The following SYNE2 variants were observed in gnomAD, a reference collection of about 807,000 sequenced individuals.
The protein encoded by SYNE2 is spectrin repeat containing nuclear envelope protein 2.
In SYNE2, 431 loss-of-function variants were observed where a neutral mutation model predicts 856.3. That is an observed-to-expected ratio of 0.50 (90% CI 0.47 to 0.55). The LOEUF (loss-of-function observed/expected upper bound fraction) is 0.55, where lower values mean the gene tolerates loss of function less well. SYNE2 is among the 20% of genes least tolerant of loss of function. The pLI is 0.00. For missense variants in SYNE2, 8,129 were observed against 8,023.2 expected, an observed-to-expected ratio of 1.01 and a Z score of -0.50; for synonymous variants, 2,923 against 2,872.3, an observed-to-expected ratio of 1.02 and a Z score of -0.56.
At chr14:63,802,792 GCAGAC>G (rs1888196122) in intron 1 of SYNE2, among the ~76,000 whole-genome samples, 1 of 152,072 alleles carries the variant, frequency 6.6e-6, no homozygotes, top group Non-Finnish European at 1.5e-5. Context: ...GAGTGAAGCT[GCAGAC>G]CTTCGCGGTG....
At chr14:63,963,877 A>AT in intron 9 of SYNE2, 22 bp from the exon 10 acceptor site, 1 of 1,573,062 alleles carries the variant, frequency 6.4e-7, no homozygotes, top group Non-Finnish European at 8.7e-7. Context: ...ATATAGTTTA[A>AT]TTTTGTGTGT....
intron 1 of SYNE2, among the ~76,000 whole-genome samples, chr14:63,788,692 C>A (rs1192021806): frequency 1.3e-5 from 2 of 152,212 alleles, no homozygotes; most frequent in Non-Finnish European, 1.5e-5. Flanking sequence ...CTCCACGGAG[C>A]ATGCAGCCCC....
At chr14:64,209,738 G>A in intron 102 of SYNE2, 160 bp downstream of exon 102, 1 of 1,193,110 alleles carries the variant, frequency 8.4e-7, no homozygotes, top group Non-Finnish European at 1.2e-6. Context: ...AGCTTTGCAA[G>A]ACATTGCTGA....
At chr14:63,883,543 A>G (rs1190025687) in intron 1 of SYNE2, among the ~76,000 whole-genome samples, 1 of 151,212 alleles carries the variant, frequency 6.6e-6, no homozygotes, top group South Asian at 2.1e-4. Context: ...TTTTGTAGAG[A>G]TGGGGTTTTG....
chr14:63,793,768 C>T (rs192184828), intron 1 of SYNE2, among the ~76,000 whole-genome samples: 5 of 151,364 alleles, frequency 3.3e-5, no homozygotes, highest in Admixed American at 6.6e-5. Context: ...GAGGCCCCCC[C>T]CCAACTAAAA....
At chr14:63,909,555 A>G (rs1252864191) in intron 2 of SYNE2, among the ~76,000 whole-genome samples, 1 of 152,086 alleles carries the variant, frequency 6.6e-6, no homozygotes, top group Admixed American at 6.6e-5. Context: ...TTAAATGCAC[A>G]TCCTTGCCAG....
intron 70 of SYNE2, 69 bp downstream of exon 70, chr14:64,122,496 A>G (rs551195580): frequency 6.2e-7 from 1 of 1,601,706 alleles, no homozygotes; most frequent in East Asian, 2.2e-5. Flanking sequence ...TTCATTAAAT[A>G]AACATGTATA....
At chr14:64,174,046 TAAAC>T in intron 94 of SYNE2, 1 of 580,612 alleles carries the variant, frequency 1.7e-6, no homozygotes, top group South Asian at 2.1e-5. Context: ...AAAATAAAAA[TAAAC>T]AAGACCTTGT....
intron 45 of SYNE2, among the ~76,000 whole-genome samples, chr14:64,038,435 G>A (rs578021152): frequency 4.6e-5 from 7 of 152,368 alleles, no homozygotes; most frequent in African/African-American, 9.6e-5. Flanking sequence ...CTTCCCAGAC[G>A]GGGTGGCGGC....
intron 1 of SYNE2, among the ~76,000 whole-genome samples, chr14:63,773,197 A>G (rs934323044): frequency 1.3e-5 from 2 of 151,904 alleles, no homozygotes; most frequent in Non-Finnish European, 2.9e-5. Context: ...TATTTATTTT[A>G]TTGCTTAAAA....
chr14:63,776,018 A>C (rs898994517), intron 1 of SYNE2, among the ~76,000 whole-genome samples: 8 of 152,180 alleles, frequency 5.3e-5, no homozygotes. Context: ...TTTTCATTTA[A>C]ATAGCATCTT....
chr14:64,114,526 T>C (rs2153658750), intron 66 of SYNE2, among the ~76,000 whole-genome samples: 1 of 152,234 alleles, frequency 6.6e-6, no homozygotes, highest in East Asian at 1.9e-4. Context: ...ATTCTCCCCT[T>C]CTATGTAAGC....
Position 64,203,069 on chromosome 14 carries a change from A to C in SYNE2, c.18201+106A>C, listed in dbSNP as rs184202632. On this transcript the variant is annotated intron_variant, in intron 100 of 115. Coordinates refer to ENST00000555002, the MANE Select transcript of SYNE2 (RefSeq NM_182914.3). ...GTGTTTTCACGTGCTCACATTCCATAACATTGGTTTGCTTTTTCCAGAGAA... is the reference window on the plus strand; with the variant it reads ...GTGTTTTCACGTGCTCACATTCCATCACATTGGTTTGCTTTTTCCAGAGAA... 2,084 of 1,444,930 alleles carry C rather than the reference A, an allele frequency of 1.4e-3. 1 individual carries two copies. The highest frequency in any genetic ancestry group is 1.9e-3 in the Non-Finnish European group (1,991 of 1,057,980). 89.5% of individuals were successfully genotyped at this position (1,444,930 alleles called of 1,614,324 possible). A position where few individuals can be genotyped will look rare whatever the true frequency, so the allele number is the denominator to read the frequency against.
chr14:64,016,265 G>T (rs1357729142), intron 32 of SYNE2, among the ~76,000 whole-genome samples: 1 of 151,968 alleles, frequency 6.6e-6, no homozygotes, highest in Non-Finnish European at 1.5e-5. Flanking sequence ...TGAGTATAGG[G>T]TTAACATTGA....
At chr14:64,188,832 G>A in intron 98 of SYNE2, 124 bp downstream of exon 98, 3 of 1,016,606 alleles carry the variant, frequency 3.0e-6, no homozygotes, top group Non-Finnish European at 3.0e-6. Context: ...AAATTTGAAG[G>A]GACTTCACTA....
At chr14:63,881,627 A>G (rs1348836100) in intron 1 of SYNE2, among the ~76,000 whole-genome samples, 1 of 149,114 alleles carries the variant, frequency 6.7e-6, no homozygotes, top group African/African-American at 2.4e-5. Context: ...ATAATTATAT[A>G]TATATTTCTA....
intron 96 of SYNE2, among the ~76,000 whole-genome samples, chr14:64,184,630 A>C (rs2098479624): frequency 6.6e-6 from 1 of 152,200 alleles, no homozygotes; most frequent in South Asian, 2.1e-4. Context: ...ATTTCAAGTC[A>C]GTAAGTGGTA....
intron 68 of SYNE2, among the ~76,000 whole-genome samples, chr14:64,121,690 C>A (rs1488800609): frequency 2.0e-5 from 3 of 152,190 alleles, no homozygotes; most frequent in Non-Finnish European, 4.4e-5. Context: ...AACTTTGCTC[C>A]TTTATTAACT....
At chr14:63,909,284 T>C in intron 2 of SYNE2, 57 bp downstream of exon 2, 6 of 1,199,438 alleles carry the variant, frequency 5.0e-6, no homozygotes, top group Non-Finnish European at 7.4e-6. Context: ...CTTACTTTTA[T>C]CTAGTTGCAA....
Sources: allele counts gnomAD v4.1 joint callset (sites outside exome capture counted in the v4.1 genomes callset), GRCh38; gene constraint gnomAD v4.1.1; transcripts MANE v1.5; gene names NCBI Gene and HGNC (gene_info 2026-07-23, HGNC 2026-07-21).